EIF4G3: variants seen among roughly 807,000 people sequenced by gnomAD.
The protein encoded by EIF4G3 is eIF-4-gamma 3.
A neutral mutation model predicts 186.4 loss-of-function variants in EIF4G3; 34 were observed. That is an observed-to-expected ratio of 0.18 (90% CI 0.14 to 0.24). The LOEUF is 0.24. EIF4G3 is among the 10% of genes least tolerant of loss of function. The pLI is 1.00. For missense variants in EIF4G3, 1,536 were observed against 1,948.5 expected, an observed-to-expected ratio of 0.79 and a Z score of 3.99; for synonymous variants, 673 against 679.5, an observed-to-expected ratio of 0.99 and a Z score of 0.15.
At chr1:21,089,461 TCC>T (rs2096108455) in intron 2 of EIF4G3, among the ~76,000 whole-genome samples, 5 of 152,080 alleles carry the variant, frequency 3.3e-5, no homozygotes, top group South Asian at 2.1e-4. Flanking sequence ...ACAATAAGTG[TCC>T]AAACTTTAGA....
chr1:21,062,095 G>T (rs1225247713), intron 3 of EIF4G3, among the ~76,000 whole-genome samples: 1 of 151,658 alleles, frequency 6.6e-6, no homozygotes, highest in African/African-American at 2.4e-5. Context: ...GTCTTGCTCT[G>T]TCACTCAGGC....
chr1:21,086,347 A>C (rs2095979912), intron 3 of EIF4G3, among the ~76,000 whole-genome samples: 1 of 151,908 alleles, frequency 6.6e-6, no homozygotes. Context: ...CTACAGGCAC[A>C]TGCCACCATG....
chr1:21,117,750 A>AAAAAAAAAAAAAAAAG (rs1558042536), intron 2 of EIF4G3, among the ~76,000 whole-genome samples: 33 of 149,694 alleles, frequency 2.2e-4, no homozygotes, highest in African/African-American at 8.0e-4. Context: ...AAAAAAAAAA[A>AAAAAAAAAAAAAAAAG]AAAAAAAAAA....
intron 25 of EIF4G3, among the ~76,000 whole-genome samples, chr1:20,857,103 C>CA (rs2075143671): frequency 7.8e-6 from 1 of 128,224 alleles, no homozygotes; most frequent in African/African-American, 2.9e-5. Context: ...GTGGAGCCTG[C>CA]AGTGAGCCAA....
chr1:21,169,072 G>T (rs946073796), intron 2 of EIF4G3, among the ~76,000 whole-genome samples: 6 of 152,094 alleles, frequency 3.9e-5, no homozygotes, highest in African/African-American at 1.4e-4. Context: ...TTGGGAGGCT[G>T]AGGTGGGAGG....
At chr1:21,086,938 C>G (rs79249120) in intron 3 of EIF4G3, among the ~76,000 whole-genome samples, 1 of 76,562 alleles carries the variant, frequency 1.3e-5, no homozygotes, top group Admixed American at 1.5e-4. Context: ...GATTCCTTCT[C>G]AAAAAAAAAA....
At chr1:20,870,021 C>T (rs984450431) in intron 20 of EIF4G3, among the ~76,000 whole-genome samples, 2 of 152,056 alleles carry the variant, frequency 1.3e-5, no homozygotes, top group African/African-American at 2.4e-5. Context: ...AGGATATGCA[C>T]AAGATTCAAA....
intron 14 of EIF4G3, among the ~76,000 whole-genome samples, chr1:20,935,513 A>C: frequency 6.6e-6 from 1 of 152,330 alleles, no homozygotes; most frequent in Middle Eastern, 3.4e-3. Flanking sequence ...TACTAAACTT[A>C]TCTTCCTTAT....
intron 6 of EIF4G3, among the ~76,000 whole-genome samples, chr1:21,000,841 C>T (rs1328880991): frequency 6.6e-6 from 1 of 151,982 alleles, no homozygotes; most frequent in African/African-American, 2.4e-5. Flanking sequence ...TGGCTGACAA[C>T]TACAGACAAT....
At chr1:20,949,913 T>C in intron 13 of EIF4G3, 90 bp downstream of exon 13, 1 of 1,083,604 alleles carries the variant, frequency 9.2e-7, no homozygotes, top group Non-Finnish European at 1.4e-6. Flanking sequence ...AATCCTTGGA[T>C]GCTGTACTCT....
chr1:20,917,157 T>C (rs549436974), intron 14 of EIF4G3, among the ~76,000 whole-genome samples: 1 of 152,298 alleles, frequency 6.6e-6, no homozygotes, highest in South Asian at 2.1e-4. Context: ...TTTTTAAAAA[T>C]GAGCTCTTTA....
intron 14 of EIF4G3, among the ~76,000 whole-genome samples, chr1:20,939,995 C>T (rs2095656958): frequency 6.6e-6 from 1 of 151,810 alleles, no homozygotes; most frequent in African/African-American, 2.4e-5. Context: ...GCTGGGACTA[C>T]AGGCCCACAC....
intron 16 of EIF4G3, 43 bp downstream of exon 16, chr1:20,899,654 T>G: frequency 6.2e-7 from 1 of 1,605,042 alleles, no homozygotes; most frequent in Non-Finnish European, 8.5e-7. Context: ...AAGGTTGCAG[T>G]AGAGGGATAA....
Position 20,961,625 on chromosome 1 carries a change from A to C in EIF4G3, c.714+7849T>G, listed in dbSNP as rs551788994. Among the ~76,000 whole-genome samples, 5 of 152,322 alleles carry C rather than the reference A, an allele frequency of 3.3e-5. No individual in the cohort carries two copies. In the South Asian group the frequency reaches 1.0e-3, roughly 32 times the overall value. The stretch of plus-strand genomic sequence containing the variant: ...TTTCCTCTATCAAACCATATAGTGT[A>C]TACAAATTCATTTTAATCTATGAAA... On this transcript the variant is annotated intron_variant, in intron 12 of 36. Coordinates refer to ENST00000602326, the MANE Select transcript of EIF4G3 (RefSeq NM_001391906.1).
chr1:21,131,270 AGATACATTAAGATGTATCAACAG>A, intron 2 of EIF4G3, among the ~76,000 whole-genome samples: 1 of 151,332 alleles, frequency 6.6e-6, no homozygotes. Context: ...ACGAACTTAA[AGATACATTAAGATGTATCAACAG>A]AAATTACTCA....
intron 23 of EIF4G3, among the ~76,000 whole-genome samples, chr1:20,861,943 C>A (rs2076447389): frequency 6.6e-6 from 1 of 151,762 alleles, no homozygotes; most frequent in African/African-American, 2.4e-5. Flanking sequence ...CACTGCACTC[C>A]AGCCTGGGCG....
chr1:20,881,997 C>T (rs2082469009), intron 19 of EIF4G3, among the ~76,000 whole-genome samples: 1 of 151,600 alleles, frequency 6.6e-6, no homozygotes, highest in Non-Finnish European at 1.5e-5. Flanking sequence ...AACCCCATCA[C>T]TATAAAAAAT....
chr1:20,869,306 A>ATTTTT (rs954573350), intron 20 of EIF4G3, among the ~76,000 whole-genome samples: 9 of 97,382 alleles, frequency 9.2e-5, no homozygotes, highest in African/African-American at 2.5e-4. Context: ...TTACTTTAAA[A>ATTTTT]TTTTTTTTTT....
intron 14 of EIF4G3, among the ~76,000 whole-genome samples, chr1:20,937,408 C>A (rs762002334): frequency 4.6e-5 from 7 of 152,086 alleles, no homozygotes. Context: ...AAATGCTTTC[C>A]CCAAGACATG....
Sources: allele counts gnomAD v4.1 joint callset (sites outside exome capture counted in the v4.1 genomes callset), GRCh38; gene constraint gnomAD v4.1.1; transcripts MANE v1.5; gene names NCBI Gene and HGNC (gene_info 2026-07-23, HGNC 2026-07-21).